Variants in LYZL2 observed in about 807,000 individuals in gnomAD.
LYZL2 encodes lysozyme like 2.
In LYZL2, 13 loss-of-function variants were observed where a neutral mutation model predicts 17.1. That is an observed-to-expected ratio of 0.76 (90% CI 0.49 to 1.21). The LOEUF is 1.21. Among genes scored for constraint, LYZL2 ranks in the 50% most tolerant of loss-of-function variants. The probability of loss-of-function intolerance (pLI) is 0.00; values close to 1 mark genes in which losing one functional copy is unlikely to be tolerated. For missense variants in LYZL2, 166 were observed against 189.2 expected (o/e 0.88, Z 0.72); for synonymous variants, 63 against 74.4 (o/e 0.85, Z 0.79).
At chr10:30,611,496 G>GAA (rs1364150171), downstream of LYZL2, among the ~76,000 whole-genome samples, 795 of 74,604 alleles carry the variant, frequency 0.011, 17 homozygotes, top group Middle Eastern at 0.044. Context: ...ACAAGACTCT[G>GAA]AAAAAAAAAA....
downstream of LYZL2, among the ~76,000 whole-genome samples, chr10:30,610,510 T>C (rs895903118): frequency 2.6e-5 from 4 of 151,906 alleles, no homozygotes; most frequent in Admixed American, 6.6e-5. Context: ...ACATGGACAC[T>C]GGGAGCAGAA....
chr10:30,611,619 A>G (rs571350740), downstream of LYZL2, among the ~76,000 whole-genome samples: 5 of 146,054 alleles, frequency 3.4e-5, no homozygotes, highest in Non-Finnish European at 6.0e-5. Context: ...AAGAAAGAGA[A>G]AGAAAGAAGG....
At chr10:30,625,626 A>G (rs1838689437) in intron 3 of LYZL2, among the ~76,000 whole-genome samples, 1 of 152,176 alleles carries the variant, frequency 6.6e-6, no homozygotes, top group African/African-American at 2.4e-5. Context: ...CAAGACTGCA[A>G]TGAGCTATGA....
intron 3 of LYZL2, among the ~76,000 whole-genome samples, chr10:30,615,362 G>A (rs1264323854): frequency 3.9e-5 from 6 of 152,186 alleles, no homozygotes; most frequent in South Asian, 2.1e-4. Context: ...AGAGTAGAGC[G>A]GTGGCTGGTT....
chr10:30,617,433 C>G (rs1564407835), intron 3 of LYZL2, among the ~76,000 whole-genome samples: 1 of 151,932 alleles, frequency 6.6e-6, no homozygotes, highest in Non-Finnish European at 1.5e-5. Context: ...CCCAGCACTT[C>G]AGGAGGCTGA....
chr10:30,614,044 A>G (rs532558098), intron 3 of LYZL2, among the ~76,000 whole-genome samples: 3 of 152,176 alleles, frequency 2.0e-5, no homozygotes, highest in African/African-American at 7.2e-5. Context: ...AGACATAACA[A>G]ATCTTTGAAT....
downstream of LYZL2, among the ~76,000 whole-genome samples, chr10:30,610,977 T>C (rs1240128087): frequency 6.6e-6 from 1 of 152,126 alleles, no homozygotes; most frequent in Non-Finnish European, 1.5e-5. Flanking sequence ...TCGATGGTCC[T>C]TCTGGGGTAC....
At chr10:30,624,607 T>C (rs530481512) in intron 3 of LYZL2, among the ~76,000 whole-genome samples, 6 of 152,358 alleles carry the variant, frequency 3.9e-5, no homozygotes, top group Admixed American at 2.6e-4. Flanking sequence ...GGATTCTTTA[T>C]GATACAGGAG....
chr10:30,625,978 T>A, intron 3 of LYZL2, 127 bp downstream of exon 3: 4 of 1,423,978 alleles, frequency 2.8e-6, no homozygotes, highest in Admixed American at 4.3e-5. Flanking sequence ...AATTTACCAA[T>A]CTTGAACAGA....
rs34812106 is a variant in LYZL2, at chr10:30,628,159, C to CAA, written c.-25-1221_-25-1220dup. Among the ~76,000 whole-genome samples, 342 of 142,130 alleles carry CAA rather than the reference C, an allele frequency of 2.4e-3. 1 individual carries two copies. Among genetic ancestry groups the CAA allele is most frequent in the African/African-American group, 8.3e-3 (323 of 39,056 alleles). The allele number at this position is 142,130 out of a possible 152,430, so 93.2% of individuals were successfully genotyped here. ...TGGGCGACAGAGCGAGACTCCGCCT[C>CAA]AAAAAAAAAAAGATTCATCGTTTGG... On this transcript the variant is annotated intron_variant, in intron 1 of 4. Transcript: ENST00000647634.
downstream of LYZL2, among the ~76,000 whole-genome samples, chr10:30,609,500 G>T (rs1838409478): frequency 6.6e-6 from 1 of 152,200 alleles, no homozygotes; most frequent in Non-Finnish European, 1.5e-5. Context: ...AAAGCATCCA[G>T]GAACAAACAA....
chr10:30,606,695 C>T, the LYZL2 span, among the ~76,000 whole-genome samples: 1 of 152,088 alleles, frequency 6.6e-6, no homozygotes, highest in Non-Finnish European at 1.5e-5. Context: ...AGGAGGTGGG[C>T]TTAACTTAAC....
chr10:30,628,270 A>C (rs1838752025), intron 1 of LYZL2, among the ~76,000 whole-genome samples: 1 of 152,182 alleles, frequency 6.6e-6, no homozygotes, highest in Non-Finnish European at 1.5e-5. Flanking sequence ...ATTGCTTCCA[A>C]AGTACTAGTG....
intron 3 of LYZL2, among the ~76,000 whole-genome samples, chr10:30,621,882 T>C (rs959536758): frequency 1.3e-5 from 2 of 152,154 alleles, no homozygotes; most frequent in East Asian, 1.9e-4. Flanking sequence ...CATTTAAAAA[T>C]TTATTTAAAA....
intron 3 of LYZL2, among the ~76,000 whole-genome samples, chr10:30,619,308 G>C (rs932299896): frequency 5.3e-5 from 8 of 151,518 alleles, no homozygotes; most frequent in Admixed American, 2.0e-4. Context: ...ACCATTTGAC[G>C]CAGCCATCCC....
intron 3 of LYZL2, among the ~76,000 whole-genome samples, chr10:30,621,183 A>G (rs1838612949): frequency 6.6e-6 from 1 of 152,204 alleles, no homozygotes; most frequent in Admixed American, 6.5e-5. Flanking sequence ...AATCTTAAAA[A>G]CAACTAGAGA....
Position 30,612,010 on chromosome 10 carries a change from T to A in LYZL2, c.392A>T (p.Lys131Ile), listed in dbSNP as rs2132932829. 2 of 1,614,190 alleles carry A rather than the reference T, an allele frequency of 1.2e-6. No homozygotes were observed. Among genetic ancestry groups the A allele is most frequent in the Non-Finnish European group, 1.7e-6 (2 of 1,180,022 alleles). Residue 131 changes from lysine (K) to isoleucine (I), a missense_variant, in exon 5 of 5, where the codon AAA becomes ATA. Coordinates refer to ENST00000647634, the MANE Select transcript of LYZL2 (RefSeq NM_183058.3). Reference protein sequence around the residue: ...QGMNYWQGWKKHCEGRDLSDW... With the variant: ...QGMNYWQGWKIHCEGRDLSDW... ...GGACAGGTCTCTCCCCTCACAGTGT[T>A]TCTTCCAGCCTTGCCTGAGGACGAG...
At chr10:30,612,931 G>T in intron 3 of LYZL2, 31 bp from the exon 4 acceptor site, 2 of 1,580,866 alleles carry the variant, frequency 1.3e-6, no homozygotes, top group South Asian at 1.1e-5. Flanking sequence ...AGGGTTAGGC[G>T]AGACTTTGTT....
intron 3 of LYZL2, 99 bp downstream of exon 3, chr10:30,626,006 A>T: frequency 1.3e-6 from 2 of 1,526,032 alleles, no homozygotes. Flanking sequence ...GCAAGTCTGA[A>T]CTCCAAATTT....
Sources: allele counts gnomAD v4.1 joint callset (sites outside exome capture counted in the v4.1 genomes callset), GRCh38; gene constraint gnomAD v4.1.1; transcripts MANE v1.5; gene names NCBI Gene and HGNC (gene_info 2026-07-23, HGNC 2026-07-21).